RSRC1: variants seen among roughly 807,000 people sequenced by gnomAD.
The protein encoded by RSRC1 is arginine and serine rich coiled-coil 1, also known as serine/Arginine-related protein 53.
Under a neutral mutation model 49.1 loss-of-function variants are expected in RSRC1, and 39 were observed. That is an observed-to-expected ratio of 0.79 (90% CI 0.61 to 1.04). RSRC1 has a LOEUF of 1.04. Among genes scored for constraint, RSRC1 ranks in the 50% least tolerant of loss-of-function variants. The probability of loss-of-function intolerance (pLI) is 0.00; values close to 1 mark genes in which losing one functional copy is unlikely to be tolerated. For missense variants in RSRC1, 388 were observed against 402.4 expected (o/e 0.96, Z 0.31); for synonymous variants, 143 against 130.8 (o/e 1.09, Z -0.63).
intron 6 of RSRC1, among the ~76,000 whole-genome samples, chr3:158,386,517 G>A (rs1336512898): frequency 1.3e-5 from 2 of 151,964 alleles, no homozygotes; most frequent in Non-Finnish European, 2.9e-5. Flanking sequence ...CACTGTTAAC[G>A]TAGGTCTTGT....
chr3:158,426,537 A>C (rs554213904), intron 6 of RSRC1, among the ~76,000 whole-genome samples: 1 of 151,692 alleles, frequency 6.6e-6, no homozygotes, highest in Admixed American at 6.6e-5. Flanking sequence ...AAAAAGTCCA[A>C]CACTACCAGA....
At chr3:158,177,662 A>G (rs1719313080) in intron 3 of RSRC1, among the ~76,000 whole-genome samples, 1 of 152,104 alleles carries the variant, frequency 6.6e-6, no homozygotes, top group Non-Finnish European at 1.5e-5. Context: ...GGGCTGGGAG[A>G]GGGATAGCAT....
intron 3 of RSRC1, among the ~76,000 whole-genome samples, chr3:158,196,397 G>C (rs62290094): frequency 6.6e-6 from 1 of 152,064 alleles, no homozygotes; most frequent in Non-Finnish European, 1.5e-5. Context: ...AAGGAGATTT[G>C]GGGCTGAGAC....
intron 4 of RSRC1, among the ~76,000 whole-genome samples, chr3:158,292,276 G>T (rs1726978772): frequency 6.6e-6 from 1 of 152,114 alleles, no homozygotes; most frequent in Non-Finnish European, 1.5e-5. Flanking sequence ...GATTTTGATT[G>T]ATAACCTAAT....
At chr3:158,110,962 C>T (rs1276824081) in intron 1 of RSRC1, among the ~76,000 whole-genome samples, 4 of 152,172 alleles carry the variant, frequency 2.6e-5, no homozygotes, top group Non-Finnish European at 4.4e-5. Flanking sequence ...TCTTTAAATG[C>T]ACACTGGAAA....
At chr3:158,315,409 T>A (rs1024903326) in intron 5 of RSRC1, among the ~76,000 whole-genome samples, 4 of 152,120 alleles carry the variant, frequency 2.6e-5, no homozygotes, top group Admixed American at 6.5e-5. Flanking sequence ...ATGGTGGAAT[T>A]TTTGGTGCTA....
At chr3:158,455,207 T>A (rs1737245682) in intron 6 of RSRC1, among the ~76,000 whole-genome samples, 2 of 152,186 alleles carry the variant, frequency 1.3e-5, no homozygotes, top group South Asian at 4.1e-4. Context: ...TCTCATCTGC[T>A]TTCTGTTTAA....
intron 3 of RSRC1, among the ~76,000 whole-genome samples, chr3:158,140,178 C>T (rs1044698782): frequency 2.0e-5 from 3 of 152,018 alleles, no homozygotes; most frequent in African/African-American, 7.2e-5. Flanking sequence ...TTGTGTTCAC[C>T]CTCTGTCACT....
chr3:158,122,326 G>C (rs201552875), intron 2 of RSRC1, 28 bp downstream of exon 2: 1 of 1,409,432 alleles, frequency 7.1e-7, no homozygotes, highest in Non-Finnish European at 9.6e-7. Flanking sequence ...TATTTATATA[G>C]TAATGAGGAT....
chr3:158,445,839 A>G (rs6800887), intron 6 of RSRC1, among the ~76,000 whole-genome samples: 80,015 of 151,896 alleles, frequency 0.53, 21,646 homozygotes, highest in African/African-American at 0.64. Flanking sequence ...ATAAAGTTTA[A>G]AGCATTCTTC....
intron 5 of RSRC1, among the ~76,000 whole-genome samples, chr3:158,310,967 ACT>A (rs1728088892): frequency 6.6e-6 from 1 of 151,586 alleles, no homozygotes; most frequent in South Asian, 2.1e-4. Flanking sequence ...ATACTAATCT[ACT>A]CTCCTCGTTT....
At chr3:158,172,342 C>G (rs1439281168) in intron 3 of RSRC1, among the ~76,000 whole-genome samples, 1 of 152,096 alleles carries the variant, frequency 6.6e-6, no homozygotes, top group Non-Finnish European at 1.5e-5. Context: ...AAATATTTAT[C>G]TTTTTGGCAT....
intron 7 of RSRC1, among the ~76,000 whole-genome samples, chr3:158,497,945 AC>A (rs1384659001): frequency 1.3e-5 from 2 of 152,112 alleles, no homozygotes; most frequent in African/African-American, 4.8e-5. Context: ...CACATATCTC[AC>A]AGTTTATTTA....
At position 158,406,560 on chromosome 3, in the gene RSRC1, C is replaced by A. The variant is rs532933355; in HGVS notation, c.583+51652C>A. ...CCTGGTACCCTATGAAGCCCTCTCTCTAGGCTTTTAATTTTTTGTTTAGAA... is the reference window on the plus strand; with the variant it reads ...CCTGGTACCCTATGAAGCCCTCTCTATAGGCTTTTAATTTTTTGTTTAGAA... On this transcript the variant is annotated intron_variant, in intron 6 of 9. Coordinates refer to ENST00000611884, the MANE Select transcript of RSRC1 (RefSeq NM_001271838.2). 6.6e-5 allele frequency among the ~76,000 whole-genome samples: 10 copies of A among 152,160 alleles called. No individual in the cohort carries two copies. The East Asian group carries it at 1.9e-3, about 29-fold the overall frequency.
In RSRC1 at chr3:158,146,306, A is replaced by G. The variant is rs1318378728; in HGVS notation, c.320+22315A>G. On this transcript the variant is annotated intron_variant, in intron 3 of 9. Coordinates refer to ENST00000611884, the MANE Select transcript of RSRC1 (RefSeq NM_001271838.2). Reference sequence around the variant, plus strand: ...TTATTATTTTGAGATACGTCCCATCAATATCTAATTTATTGAGAGTTTTTA... The same window carrying G: ...TTATTATTTTGAGATACGTCCCATCGATATCTAATTTATTGAGAGTTTTTA... Among the ~76,000 whole-genome samples, 22 of 152,294 alleles carry G rather than the reference A, an allele frequency of 1.4e-4. No individual in the cohort carries two copies. The East Asian group carries it at 4.1e-3, about 28-fold the overall frequency.
chr3:158,243,953 T>TG (rs1273780124), intron 4 of RSRC1, among the ~76,000 whole-genome samples: 20 of 144,902 alleles, frequency 1.4e-4, no homozygotes, highest in Admixed American at 5.4e-4. Flanking sequence ...GACTATGGTT[T>TG]TTTTTTTTTT....
intron 4 of RSRC1, among the ~76,000 whole-genome samples, chr3:158,284,342 A>C (rs989546685): frequency 6.6e-6 from 1 of 150,486 alleles, no homozygotes; most frequent in Non-Finnish European, 1.5e-5. Flanking sequence ...GAATAGTGCC[A>C]CAATAAACAT....
At chr3:158,184,698 G>A (rs1239983467) in intron 3 of RSRC1, among the ~76,000 whole-genome samples, 1 of 152,068 alleles carries the variant, frequency 6.6e-6, no homozygotes, top group Non-Finnish European at 1.5e-5. Flanking sequence ...TTACATAGTT[G>A]TATGAAATCA....
chr3:158,412,017 C>T (rs1335182780), intron 6 of RSRC1, among the ~76,000 whole-genome samples: 1 of 152,044 alleles, frequency 6.6e-6, no homozygotes, highest in Non-Finnish European at 1.5e-5. Flanking sequence ...CCATTGATAT[C>T]TTTGTTATCT....
Sources: gnomAD v4.1 joint callset for allele counts (sites outside exome capture counted in the v4.1 genomes callset) on GRCh38, gnomAD v4.1.1 for gene constraint, MANE v1.5 for transcripts, NCBI Gene and HGNC (gene_info 2026-07-23, HGNC 2026-07-21) for gene names.